IRGQ: variants seen among roughly 807,000 people sequenced by gnomAD.
The protein encoded by IRGQ is immunity related GTPase Q.
In IRGQ, 5 loss-of-function variants were observed where a neutral mutation model predicts 10.5. That is an observed-to-expected ratio of 0.48 (90% CI 0.25 to 1.00). The LOEUF (loss-of-function observed/expected upper bound fraction) is 1.00, where lower values mean the gene tolerates loss of function less well. Ranked by LOEUF, IRGQ falls within the 50% of genes least tolerant of loss-of-function variation. The pLI is 0.16. For missense variants in IRGQ, 792 were observed against 877.7 expected (o/e 0.90, Z 1.23); for synonymous variants, 418 against 426.0 (o/e 0.98, Z 0.23).
At chr19:43,595,497 C>G in intron 1 of IRGQ, 157 bp from the exon 2 acceptor site, 1 of 514,766 alleles carries the variant, frequency 1.9e-6, no homozygotes, top group Non-Finnish European at 3.2e-6. Context: ...GAGCCCAGAC[C>G]CTATTCCCCC....
chr19:43,592,542 T>TG lies in IRGQ; in HGVS notation c.1355dup (p.Ala453SerfsTer37), dbSNP rs1331665578. ...CCAGCAGCAGTGCCCCTGCCTGGGC[T>TG]GGGGGGAGCGCTCGCCGCAGCCATT... On this transcript the variant is annotated frameshift_variant, in exon 3 of 3. Coordinates refer to ENST00000422989, the MANE Select transcript of IRGQ (RefSeq NM_001007561.3). LOFTEE classifies it high-confidence loss of function. 3 of 1,596,812 alleles carry TG rather than the reference T, an allele frequency of 1.9e-6. No homozygotes were observed. Among genetic ancestry groups the TG allele is most frequent in the Non-Finnish European group, 2.5e-6 (3 of 1,178,564 alleles).
chr19:43,593,340 G>GA lies in IRGQ; in HGVS notation c.557dup (p.Glu187ArgfsTer13). ...CTAGCTCTGCTGCACCCAACACCTC[G>GA]AAGCCATCCTGCGCCGGTGGCAGGA... On this transcript the variant is annotated frameshift_variant, in exon 3 of 3. Transcript: ENST00000422989. LOFTEE classifies it low-confidence loss of function (END_TRUNC). The surrounding 1 kb of genome is among the most constrained non-coding windows in gnomAD (Gnocchi z 6.4). The GA allele has an allele frequency of 6.6e-7, 1 of 1,525,848 alleles. No homozygotes were observed. The highest frequency in any genetic ancestry group is 1.3e-5 in the South Asian group (1 of 78,674). 94.5% of individuals were successfully genotyped at this position (1,525,848 alleles called of 1,614,324 possible). A position where few individuals can be genotyped will look rare whatever the true frequency, so the allele number is the denominator to read the frequency against.
Position 43,594,942 on chromosome 19 carries a change from C to A in IRGQ, c.397G>T (p.Ala133Ser), listed in dbSNP as rs1426502723. 3 of 1,614,070 alleles carry A rather than the reference C, an allele frequency of 1.9e-6. No homozygotes were observed. The highest frequency in any genetic ancestry group is 2.2e-5 in the South Asian group (2 of 91,092). The change falls in exon 2 of 3, where the codon GCT (alanine) becomes TCT (serine). Residue 133 changes from alanine to serine, a missense_variant. Physicochemically the swap from Ala to Ser is moderately conservative, Grantham distance 99. Coordinates refer to ENST00000422989, the MANE Select transcript of IRGQ (RefSeq NM_001007561.3). ...TAAQARDQTA[A>S]LLNSAGLGAA... ...CCTAACCCCGCGCTGTTCAGCAGAG[C>A]TGCTGTCTGATCACGGGCCTGGGCG...
Position 43,595,236 on chromosome 19 carries a change from G to A in IRGQ, c.103C>T (p.Leu35Phe), listed in dbSNP as rs760299688. ...TCCGGCCGTCCCTCGGGGGCCTCGAGCGTCTCCACATCCTTGTCGCACAGC... is the reference window on the plus strand; with the variant it reads ...TCCGGCCGTCCCTCGGGGGCCTCGAACGTCTCCACATCCTTGTCGCACAGC... ...AALCDKDVET[L>F]EAPEGRPDSG... Residue 35 changes from leucine to phenylalanine, a missense_variant, in exon 2 of 3, where the codon CTC (leucine) becomes TTC (phenylalanine). Leu to Phe is a conservative substitution (Grantham distance 22). Transcript: ENST00000422989. 2 of 1,612,682 alleles carry A rather than the reference G, an allele frequency of 1.2e-6. No individual in the cohort carries two copies. Among genetic ancestry groups the A allele is most frequent in the Admixed American group, 3.3e-5 (2 of 59,998 alleles).
intron 1 of IRGQ, 83 bp from the exon 2 acceptor site, chr19:43,595,423 C>T: frequency 7.6e-7 from 1 of 1,323,684 alleles, no homozygotes; most frequent in Non-Finnish European, 1.0e-6. Context: ...GGAACCCAGG[C>T]CTCAGTCCTT....
In IRGQ at chr19:43,591,741, C is replaced by T. The variant is rs374754157; in HGVS notation, c.*285G>A. On this transcript the variant is annotated 3_prime_UTR_variant, in exon 3 of 3. Transcript: ENST00000422989. ...CAGGCACCTGTAATCCCAGCTACTC[C>T]GGACGCTGAGGCAGGAGAATCGCTT... The T allele has an allele frequency of 1.4e-5, 4 of 291,872 alleles. No individual in the cohort carries two copies. The East Asian group carries it at 1.8e-4, about 13-fold the overall frequency. The allele number at this position is 291,872 out of a possible 1,614,324, so 18.1% of individuals were successfully genotyped here.
Position 43,586,476 on chromosome 19 carries a change from C to T in IRGQ, c.*5550G>A, listed in dbSNP as rs1972995543. The T allele has an allele frequency of 6.6e-6, 1 of 152,222 alleles. No individual in the cohort carries two copies. The highest frequency in any genetic ancestry group is 2.1e-4 in the South Asian group (1 of 4,836). 9.4% of individuals were successfully genotyped at this position (152,222 alleles called of 1,614,324 possible). A position where few individuals can be genotyped will look rare whatever the true frequency, so the allele number is the denominator to read the frequency against. ...ACTCCTCTATGGGCACAGACACACA[C>T]ACAAAATTGTCTTGCTTTCTCAGAT... On this transcript the variant is annotated 3_prime_UTR_variant, in exon 3 of 3. Coordinates refer to ENST00000422989, the MANE Select transcript of IRGQ (RefSeq NM_001007561.3).
intron 1 of IRGQ, 127 bp from the exon 2 acceptor site, chr19:43,595,467 TC>T: frequency 1.2e-6 from 1 of 805,510 alleles, no homozygotes; most frequent in Non-Finnish European, 1.8e-6. Context: ...AGTGTCACTC[TC>T]CAGGACCTAA....
In IRGQ at chr19:43,591,892, G is replaced by A; in HGVS notation, c.*134C>T. ...AAAAAATCAGGATTCCTGTCCCCCA[G>A]ACTCTCTGAATCCAGGTGATAAGAA... On this transcript the variant is annotated 3_prime_UTR_variant, in exon 3 of 3. Transcript: ENST00000422989. 1.4e-6 allele frequency: 1 copy of A among 727,674 alleles called. No individual in the cohort carries two copies. Among genetic ancestry groups the A allele is most frequent in the Non-Finnish European group, 2.1e-6 (1 of 469,474 alleles). The allele number at this position is 727,674 out of a possible 1,614,324, so 45.1% of individuals were successfully genotyped here.
In IRGQ at chr19:43,590,661, T is replaced by G. The variant is rs1364503840; in HGVS notation, c.*1365A>C. The G allele has an allele frequency of 6.6e-6, 1 of 152,036 alleles. No individual in the cohort carries two copies. The highest frequency in any genetic ancestry group is 1.5e-5 in the Non-Finnish European group (1 of 68,014). 9.4% of individuals were successfully genotyped at this position (152,036 alleles called of 1,614,324 possible). ...CAGTGCAGCAGTACAGCTGCTCTTCTGAAAAGGAAGGTGCACAAAACACCA... is the reference window on the plus strand; with the variant it reads ...CAGTGCAGCAGTACAGCTGCTCTTCGGAAAAGGAAGGTGCACAAAACACCA... On this transcript the variant is annotated 3_prime_UTR_variant, in exon 3 of 3. Coordinates refer to ENST00000422989, the MANE Select transcript of IRGQ (RefSeq NM_001007561.3).
Position 43,595,140 on chromosome 19 carries a change from C to G in IRGQ, c.199G>C (p.Ala67Pro), listed in dbSNP as rs1381537281. 7 of 1,601,416 alleles carry G rather than the reference C, an allele frequency of 4.4e-6. No individual in the cohort carries two copies. ...FLGELSCPPA[A>P]PGPWAAEANV... Reference sequence around the variant, plus strand: ...GCTTCCGCCGCCCAGGGCCCCGGCGCTGCGGGTGGGCAGCTCAGCTCGCCC... The same window carrying G: ...GCTTCCGCCGCCCAGGGCCCCGGCGGTGCGGGTGGGCAGCTCAGCTCGCCC... The change falls in exon 2 of 3, where the codon GCG (alanine) becomes CCG (proline). Residue 67 changes from alanine (A) to proline (P), a missense_variant. Physicochemically the swap from Ala to Pro is conservative, Grantham distance 27. Coordinates refer to ENST00000422989, the MANE Select transcript of IRGQ (RefSeq NM_001007561.3).
At position 43,591,812 on chromosome 19, in the gene IRGQ, C is replaced by T. The variant is rs1450518106; in HGVS notation, c.*214G>A. On this transcript the variant is annotated 3_prime_UTR_variant, in exon 3 of 3. Coordinates refer to ENST00000422989, the MANE Select transcript of IRGQ (RefSeq NM_001007561.3). ...GCAGTGAGCCGAGGTCGCGCCATTGCACTCCAGCCTGGGCAACAAGAGACT... is the reference window on the plus strand; with the variant it reads ...GCAGTGAGCCGAGGTCGCGCCATTGTACTCCAGCCTGGGCAACAAGAGACT... The T allele has an allele frequency of 6.5e-6, 3 of 462,612 alleles. No individual in the cohort carries two copies. The East Asian group carries it at 1.0e-4, about 16-fold the overall frequency. 28.7% of individuals were successfully genotyped at this position (462,612 alleles called of 1,614,324 possible).
In IRGQ at chr19:43,586,542, A is replaced by T. The variant is rs1972996326; in HGVS notation, c.*5484T>A. On this transcript the variant is annotated 3_prime_UTR_variant, in exon 3 of 3. Transcript: ENST00000422989. ...ACTCCTGCTGGCATGAGGGCAGAGG[A>T]AATTGAGAGGAGCAAAGCATATAGC... 6.6e-6 allele frequency: 1 copy of T among 152,134 alleles called. No homozygotes were observed. Among genetic ancestry groups the T allele is most frequent in the African/African-American group, 2.4e-5 (1 of 41,390 alleles). 9.4% of individuals were successfully genotyped at this position (152,134 alleles called of 1,614,324 possible). A position where few individuals can be genotyped will look rare whatever the true frequency, so the allele number is the denominator to read the frequency against.
rs750933983 is a variant in IRGQ at position 43,592,910 on chromosome 19, G to T, written c.988C>A (p.Arg330Ser). 4.3e-6 allele frequency: 7 copies of T among 1,612,420 alleles called. No individual in the cohort carries two copies. Among genetic ancestry groups the T allele is most frequent in the Non-Finnish European group, 5.9e-6 (7 of 1,180,038 alleles). ...LLPDAPLVCV[R>S]TDGEGEDPEC... ...GGATCCTCGCCCTCGCCGTCTGTGC[G>T]CACGCAGACAAGAGGCGCATCTGGT... is the stretch of plus-strand genomic sequence containing the variant. Residue 330 changes from arginine to serine, a missense_variant, in exon 3 of 3, where the codon CGC (arginine) becomes AGC (serine). Coordinates refer to ENST00000422989, the MANE Select transcript of IRGQ (RefSeq NM_001007561.3).
Position 43,592,103 on chromosome 19 carries a change from C to T in IRGQ, c.1795G>A (p.Gly599Ser), listed in dbSNP as rs193920821. 2.1e-5 allele frequency: 34 copies of T among 1,612,332 alleles called. No individual in the cohort carries two copies. Among genetic ancestry groups the T allele is most frequent in the Non-Finnish European group, 2.7e-5 (32 of 1,179,776 alleles). Reference sequence around the variant, plus strand: ...TCATCGAGAGCCTGCAGCAGGACGCCGTGAGCCGCTCGGTAGCCCAGGCCA... The same window carrying T: ...TCATCGAGAGCCTGCAGCAGGACGCTGTGAGCCGCTCGGTAGCCCAGGCCA... Reference protein sequence around the residue: ...TGGLGYRAAHGVLLQALDEMR... With the variant: ...TGGLGYRAAHSVLLQALDEMR... The change falls in exon 3 of 3, where the codon GGC (glycine) becomes AGC (serine). Residue 599 changes from glycine to serine, a missense_variant. Transcript: ENST00000422989.
At position 43,592,914 on chromosome 19, in the gene IRGQ, G is replaced by A. The variant is rs1232215230; in HGVS notation, c.984C>T (p.Cys328=). 1.2e-6 allele frequency: 2 copies of A among 1,612,200 alleles called. No individual in the cohort carries two copies. The highest frequency in any genetic ancestry group is 2.2e-5 in the East Asian group (1 of 44,874). The part of the protein sequence containing the change: ...ALLLPDAPLV[C]VRTDGEGEDP... Reference sequence around the variant, plus strand: ...CCTCGCCCTCGCCGTCTGTGCGCACGCAGACAAGAGGCGCATCTGGTAGCA... The same window carrying A: ...CCTCGCCCTCGCCGTCTGTGCGCACACAGACAAGAGGCGCATCTGGTAGCA... The change falls in exon 3 of 3, where the codon TGC becomes TGT. Residue 328 remains cysteine, a synonymous_variant. Transcript: ENST00000422989.
At position 43,593,266 on chromosome 19, in the gene IRGQ, G is replaced by T; in HGVS notation, c.632C>A (p.Ser211Ter). The change falls in exon 3 of 3, where the codon TCG becomes TAG. Residue 211 changes from serine (S) to a stop codon, truncating the protein, a stop_gained. Coordinates refer to ENST00000422989, the MANE Select transcript of IRGQ (RefSeq NM_001007561.3). LOFTEE classifies it low-confidence loss of function (END_TRUNC). This position sits in a 1 kb window ranked among gnomAD's most constrained non-coding sequence, Gnocchi z 6.4. The part of the protein sequence containing the change: ...FETGGLEAAL[S>*]WVRSGLERLG... Reference sequence around the variant, plus strand: ...GCGCTCCAGGCCTGAGCGCACCCACGACAGCGCAGCCTCAAGGCCGCCGGT... The same window carrying T: ...GCGCTCCAGGCCTGAGCGCACCCACTACAGCGCAGCCTCAAGGCCGCCGGT... The T allele has an allele frequency of 6.3e-7, 1 of 1,597,824 alleles. No homozygotes were observed. Among genetic ancestry groups the T allele is most frequent in the Non-Finnish European group, 8.5e-7 (1 of 1,171,400 alleles).
At chr19:43,595,386 C>G (rs116968052) in intron 1 of IRGQ, 46 bp from the exon 2 acceptor site, 95 of 1,493,518 alleles carry the variant, frequency 6.4e-5, no homozygotes, top group Non-Finnish European at 5.4e-5. Context: ...GAGCACCTAG[C>G]CTTTTCCTTT....
Position 43,594,826 on chromosome 19 carries a change from C to A in IRGQ, c.513G>T (p.Gln171His). The A allele has an allele frequency of 6.2e-7, 1 of 1,609,444 alleles. No individual in the cohort carries two copies. The highest frequency in any genetic ancestry group is 8.5e-7 in the Non-Finnish European group (1 of 1,177,706). ...LERLRAALQSQAEALRRLLPP... is the reference protein window; with the variant it reads ...LERLRAALQSHAEALRRLLPP... ...GCACTCACCTCCGCAGCGCTTCTGCCTGGCTCTGCAGCGCCGCCCGGAGGC... is the reference window on the plus strand; with the variant it reads ...GCACTCACCTCCGCAGCGCTTCTGCATGGCTCTGCAGCGCCGCCCGGAGGC... Residue 171 changes from glutamine to histidine, a missense_variant, in exon 2 of 3, where the codon CAG (glutamine) becomes CAT (histidine). Gln to His is a conservative substitution (Grantham distance 24). Coordinates refer to ENST00000422989, the MANE Select transcript of IRGQ (RefSeq NM_001007561.3).
Sources: gnomAD v4.1 joint callset for allele counts on GRCh38, gnomAD v4.1.1 for gene constraint, Gnocchi (gnomAD v3.1) non-coding constraint, MANE v1.5 for transcripts, NCBI Gene and HGNC (gene_info 2026-07-23, HGNC 2026-07-21) for gene names.